The following DNAAF8 variants were observed in gnomAD, a reference collection of about 807,000 sequenced individuals.
DNAAF8 encodes the protein dynein axonemal assembly factor 8, also known as dynein axonemal-associated protein 1.
A neutral mutation model predicts 54.6 loss-of-function variants in DNAAF8; 61 were observed. The ratio of observed to expected loss-of-function variants is 1.12; its 90% CI spans 0.91 to 1.38. The LOEUF is 1.38. Ranked by LOEUF, DNAAF8 falls within the 40% of genes most tolerant of loss-of-function variation. DNAAF8 has a pLI of 0.00. For missense variants in DNAAF8, 837 were observed against 665.0 expected, an observed-to-expected ratio of 1.26 and a Z score of -2.85; for synonymous variants, 320 against 270.1, an observed-to-expected ratio of 1.18 and a Z score of -1.81.
intron 4 of DNAAF8, among the ~76,000 whole-genome samples, chr16:4,741,624 A>AAC (rs2081962129): frequency 2.6e-5 from 4 of 152,084 alleles, no homozygotes; most frequent in Non-Finnish European, 5.9e-5. Context: ...ACATGGTGAA[A>AAC]CCGTGACTCT....
In DNAAF8 at chr16:4,737,878, G is replaced by C; in HGVS notation, c.208G>C (p.Ala70Pro). Residue 70 changes from alanine to proline, a missense_variant, in exon 3 of 10, where the codon GCT (alanine) becomes CCT (proline). By Grantham distance (27) the Ala-to-Pro change is conservative. Coordinates refer to ENST00000299320, the MANE Select transcript of DNAAF8 (RefSeq NM_139170.3). ...GATTCCAGACCTGTCGGAGGAGCTG[G>C]CTGAAGATCCTGCCGATGGCGACAA... Reference protein sequence around the residue: ...SLIPDLSEELAEDPADGDKSR... With the variant: ...SLIPDLSEELPEDPADGDKSR... 1.2e-6 allele frequency: 2 copies of C among 1,614,196 alleles called. No homozygotes were observed. The highest frequency in any genetic ancestry group is 1.7e-6 in the Non-Finnish European group (2 of 1,180,004).
chr16:4,737,992 AGTCTAAACTGACTG>A (rs1437932886), intron 3 of DNAAF8, 46 bp downstream of exon 3: 1 of 1,586,698 alleles, frequency 6.3e-7, no homozygotes, highest in African/African-American at 1.3e-5. Context: ...GTGCGATGTT[AGTCTAAACTGACTG>A]GTCTAAACCA....
At position 4,744,958 on chromosome 16, in the gene DNAAF8, G is replaced by A; in HGVS notation, c.990G>A (p.Arg330=). 1 of 1,613,988 alleles carries A rather than the reference G, an allele frequency of 6.2e-7. No homozygotes were observed. Among genetic ancestry groups the A allele is most frequent in the Non-Finnish European group, 8.5e-7 (1 of 1,180,002 alleles). The change falls in exon 6 of 10, where the codon CGG becomes CGA. Residue 330 remains arginine (R), a synonymous_variant. Transcript: ENST00000299320. The part of the protein sequence containing the change: ...TTQSKASACA[R]KVPADTPQDT... ...AGTCCAAGGCCTCTGCTTGTGCCCG[G>A]AAGGTGCCTGCCGACACTCCCCAGG...
Position 4,747,436 on chromosome 16 carries a change from G to T in DNAAF8, c.1374G>T (p.Ala458=). 2.5e-6 allele frequency: 4 copies of T among 1,613,080 alleles called. No individual in the cohort carries two copies. The highest frequency in any genetic ancestry group is 3.4e-6 in the Non-Finnish European group (4 of 1,179,936). Residue 458 remains alanine (A), a synonymous_variant, in exon 9 of 10, where the codon GCG becomes GCT. Transcript: ENST00000299320. ...AGCTGCCTGCCAGCAAGGGGCCCGC[G>T]GGTGGGAGGGCTCAGGCCCCTGAAG... The part of the protein sequence containing the change: ...QPELPASKGP[A]GGRAQAPEDT...
rs770654902 is a variant in DNAAF8 at position 4,740,417 on chromosome 16, C to A, written c.541C>A (p.Pro181Thr). The change falls in exon 4 of 10, where the codon CCA (proline) becomes ACA (threonine). Residue 181 changes from proline (P) to threonine (T), a missense_variant. Physicochemically the swap from Pro to Thr is conservative, Grantham distance 38. Transcript: ENST00000299320. ...CACTCTCTCCTGCCATGAAGGAGAC[C>A]CAAAGGCAGAGCCCCTCAGCACTGC... ...EATLSCHEGDPKAEPLSTASQ... is the reference protein window; with the variant it reads ...EATLSCHEGDTKAEPLSTASQ... The A allele has an allele frequency of 1.3e-5, 21 of 1,614,002 alleles. No homozygotes were observed. Among genetic ancestry groups the A allele is most frequent in the Non-Finnish European group, 1.8e-5 (21 of 1,180,000 alleles).
chr16:4,746,113 C>CT, intron 6 of DNAAF8: 1 of 395,378 alleles, frequency 2.5e-6, no homozygotes, highest in Non-Finnish European at 4.5e-6. Flanking sequence ...TAAATGTAAA[C>CT]TTAGCCACTT....
intron 5 of DNAAF8, 63 bp from the exon 6 acceptor site, chr16:4,744,807 G>C: frequency 6.5e-7 from 1 of 1,547,714 alleles, no homozygotes; most frequent in Non-Finnish European, 8.8e-7. Flanking sequence ...TGAGGCTCCA[G>C]CTGCTGTAAG....
chr16:4,736,337 A>T, intron 1 of DNAAF8, 127 bp from the exon 2 acceptor site: 1 of 575,622 alleles, frequency 1.7e-6, no homozygotes, highest in Non-Finnish European at 2.7e-6. Context: ...TTGCATAACT[A>T]GAAGGAAACT....
At chr16:4,742,813 G>A (rs1290014317) in intron 4 of DNAAF8, among the ~76,000 whole-genome samples, 1 of 152,188 alleles carries the variant, frequency 6.6e-6, no homozygotes. Flanking sequence ...TGATCCCCAA[G>A]AAAGCATAGG....
intron 4 of DNAAF8, 21 bp from the exon 5 acceptor site, chr16:4,743,022 C>T: frequency 6.4e-7 from 1 of 1,565,388 alleles, no homozygotes; most frequent in Non-Finnish European, 8.8e-7. Flanking sequence ...TCCTCATAAT[C>T]ACTGGTTTTA....
chr16:4,746,842 C>G, intron 7 of DNAAF8, 85 bp from the exon 8 acceptor site: 2 of 1,289,836 alleles, frequency 1.6e-6, no homozygotes, highest in South Asian at 1.6e-5. Flanking sequence ...GGGTCACCAG[C>G]AAAGCCCGAG....
intron 3 of DNAAF8, among the ~76,000 whole-genome samples, chr16:4,739,676 G>T (rs1383734482): frequency 6.6e-6 from 1 of 150,948 alleles, no homozygotes; most frequent in East Asian, 2.0e-4. Context: ...AGCCTCCCAA[G>T]TAGCTGGGAT....
rs2082049929 is a variant in DNAAF8, at chr16:4,748,759, G to A, written c.*44G>A. On this transcript the variant is annotated 3_prime_UTR_variant, in exon 10 of 10. Coordinates refer to ENST00000299320, the MANE Select transcript of DNAAF8 (RefSeq NM_139170.3). ...TGCTGTCTGCCCCGTGGGAAGAGCA[G>A]AGAAATCATCACCACCTTGGGCCCC... 6.6e-6 allele frequency: 1 copy of A among 152,446 alleles called. No individual in the cohort carries two copies. Among genetic ancestry groups the A allele is most frequent in the Admixed American group, 6.5e-5 (1 of 15,290 alleles). The allele number at this position is 152,446 out of a possible 1,614,324, so 9.4% of individuals were successfully genotyped here.
intron 6 of DNAAF8, 169 bp from the exon 7 acceptor site, chr16:4,746,206 C>T (rs2082015696): frequency 6.1e-6 from 4 of 661,022 alleles, no homozygotes; most frequent in South Asian, 2.4e-5. Context: ...GCCTAAATCT[C>T]GCATGCTGTT....
intron 3 of DNAAF8, among the ~76,000 whole-genome samples, chr16:4,739,265 G>GTTTTTTTTTTTT (rs35113323): frequency 0.03 from 2,049 of 68,854 alleles, 403 homozygotes; most frequent in Non-Finnish European, 0.037. Context: ...ATTTTTTCTT[G>GTTTTTTTTTTTT]TTTTTTTTTT....
chr16:4,743,464 C>T lies in DNAAF8; in HGVS notation c.901+304C>T, dbSNP rs536610919. On this transcript the variant is annotated intron_variant, in intron 5 of 9. Transcript: ENST00000299320. The stretch of plus-strand genomic sequence containing the variant: ...CACCTCCCTGGGCCAGCCTGCCTTC[C>T]TTCTCCCTCCTCCTCCTTCCTGGGG... 4.7e-5 allele frequency: 11 copies of T among 234,192 alleles called. No homozygotes were observed. The East Asian group carries it at 1.1e-3, about 24-fold the overall frequency. The allele number at this position is 234,192 out of a possible 1,614,324, so 14.5% of individuals were successfully genotyped here.
intron 1 of DNAAF8, among the ~76,000 whole-genome samples, 166 bp from the exon 2 acceptor site, chr16:4,736,296 TAC>T (rs1156724786): frequency 3.0e-5 from 3 of 98,546 alleles, no homozygotes; most frequent in African/African-American, 3.5e-5. Flanking sequence ...CACACACACG[TAC>T]ACACACAGTG....
chr16:4,744,438 G>A (rs532732553), intron 5 of DNAAF8, among the ~76,000 whole-genome samples: 49 of 152,184 alleles, frequency 3.2e-4, no homozygotes, highest in African/African-American at 1.2e-3. Flanking sequence ...ACTGCGGCTC[G>A]ATGAGGGGAT....
chr16:4,740,230 G>A lies in DNAAF8; in HGVS notation c.354G>A (p.Gln118=). 1 of 1,614,084 alleles carries A rather than the reference G, an allele frequency of 6.2e-7. No individual in the cohort carries two copies. Among genetic ancestry groups the A allele is most frequent in the African/African-American group, 1.3e-5 (1 of 75,038 alleles). Residue 118 remains glutamine (Q), a synonymous_variant, in exon 4 of 10, where the codon CAG becomes CAA. Transcript: ENST00000299320. ...CAAGGACAAAGGATGCATCCTCTCA[G>A]GAAGGAAGAGACCCTGGCAGGCCTT... ...QNTRTKDASS[Q]EGRDPGRPFE...
Sources: gnomAD v4.1 joint callset for allele counts (sites outside exome capture counted in the v4.1 genomes callset) on GRCh38, gnomAD v4.1.1 for gene constraint, MANE v1.5 for transcripts, NCBI Gene and HGNC (gene_info 2026-07-23, HGNC 2026-07-21) for gene names.